Variants in KIAA1671 observed in about 807,000 individuals in gnomAD.
KIAA1671 encodes the protein KIAA1671.
In KIAA1671, 52 loss-of-function variants were observed where a neutral mutation model predicts 131.2. The observed-to-expected ratio is 0.40, with a 90% CI of 0.32 to 0.50. KIAA1671 has a LOEUF of 0.50. Ranked by LOEUF, KIAA1671 falls within the 20% of genes least tolerant of loss-of-function variation. KIAA1671 has a pLI of 0.73. For missense variants in KIAA1671, 2,360 were observed against 2,364.2 expected, an observed-to-expected ratio of 1.00 and a Z score of 0.04; for synonymous variants, 1,003 against 961.6, an observed-to-expected ratio of 1.04 and a Z score of -0.80.
intron 6 of KIAA1671, among the ~76,000 whole-genome samples, chr22:25,131,766 G>A (rs530046840): frequency 6.6e-6 from 1 of 152,354 alleles, no homozygotes; most frequent in East Asian, 1.9e-4. Context: ...AGCATCTCAG[G>A]TTGGGAGCAG....
At chr22:25,180,913 A>T (rs1934246762) in intron 9 of KIAA1671, among the ~76,000 whole-genome samples, 1 of 152,092 alleles carries the variant, frequency 6.6e-6, no homozygotes, top group South Asian at 2.1e-4. Context: ...GCACACAAAT[A>T]CCCCCAGCTG....
At chr22:25,021,319 A>G (rs1925653131) in intron 1 of KIAA1671, among the ~76,000 whole-genome samples, 1 of 151,880 alleles carries the variant, frequency 6.6e-6, no homozygotes, top group South Asian at 2.1e-4. Flanking sequence ...TCCGCCTCCC[A>G]AAGTGCTGGG....
intron 6 of KIAA1671, among the ~76,000 whole-genome samples, chr22:25,092,017 A>G (rs987870085): frequency 6.6e-6 from 1 of 152,070 alleles, no homozygotes; most frequent in Non-Finnish European, 1.5e-5. Flanking sequence ...TATCCACTCA[A>G]CAAATACGTA....
intron 6 of KIAA1671, among the ~76,000 whole-genome samples, chr22:25,146,953 G>A (rs889973652): frequency 6.6e-6 from 1 of 152,016 alleles, no homozygotes; most frequent in African/African-American, 2.4e-5. Context: ...CATCCTGCAG[G>A]GTTGGAGCAA....
chr22:25,041,286 G>T lies in KIAA1671; in HGVS notation c.4156G>T (p.Asp1386Tyr). The T allele has an allele frequency of 6.4e-7, 1 of 1,551,768 alleles. No individual in the cohort carries two copies. Among genetic ancestry groups the T allele is most frequent in the Admixed American group, 2.0e-5 (1 of 51,016 alleles). ...PRKSTGRGEE[D>Y]SVAQWGDHPR... ...GAAATCCACCGGGCGGGGAGAGGAGGACAGTGTGGCCCAGTGGGGTGACCA... is the reference window on the plus strand; with the variant it reads ...GAAATCCACCGGGCGGGGAGAGGAGTACAGTGTGGCCCAGTGGGGTGACCA... The change falls in exon 5 of 13, where the codon GAC becomes TAC. Residue 1386 changes from aspartate to tyrosine, a missense_variant. This residue lies in a region of KIAA1671 where 1,161 missense variants were observed against 1,204.7 expected (regional missense o/e 0.96). Transcript: ENST00000358431.
At chr22:25,099,463 G>A (rs545086062) in intron 6 of KIAA1671, among the ~76,000 whole-genome samples, 3 of 151,146 alleles carry the variant, frequency 2.0e-5, no homozygotes, top group South Asian at 4.2e-4. Context: ...TATCGGAGCA[G>A]CCTTTGGATG....
At chr22:25,034,769 G>A (rs949620205) in intron 4 of KIAA1671, among the ~76,000 whole-genome samples, 5 of 151,214 alleles carry the variant, frequency 3.3e-5, no homozygotes, top group African/African-American at 9.7e-5. Context: ...ATGGAGTCTC[G>A]CTCTGTTGCC....
intron 6 of KIAA1671, among the ~76,000 whole-genome samples, chr22:25,083,098 C>T (rs5752053): frequency 0.37 from 56,507 of 151,998 alleles, 10,795 homozygotes; most frequent in Middle Eastern, 0.45. Context: ...CCAGAGACTT[C>T]TGAATGGCTT....
intron 1 of KIAA1671, among the ~76,000 whole-genome samples, chr22:25,022,187 C>T (rs1343336794): frequency 2.0e-5 from 3 of 152,208 alleles, no homozygotes; most frequent in Non-Finnish European, 4.4e-5. Flanking sequence ...CGCCCCTCAC[C>T]AGATGGTGGC....
chr22:25,015,200 T>C (rs1925239092), intron 1 of KIAA1671: 1 of 141,476 alleles, frequency 7.1e-6, no homozygotes, highest in Non-Finnish European at 1.5e-5. Flanking sequence ...AGATCATGCC[T>C]GGGACACACA....
intron 1 of KIAA1671, among the ~76,000 whole-genome samples, chr22:24,962,609 G>C (rs1463286076): frequency 6.6e-6 from 1 of 152,166 alleles, no homozygotes; most frequent in Non-Finnish European, 1.5e-5. Context: ...GGCCTCATGA[G>C]GTTGACAAGC....
At chr22:24,976,152 C>T (rs141218711) in intron 1 of KIAA1671, among the ~76,000 whole-genome samples, 138 of 152,346 alleles carry the variant, frequency 9.1e-4, no homozygotes, top group African/African-American at 3.1e-3. Context: ...GCTGGGAACA[C>T]TGAGCCGGGC....
At chr22:25,093,836 C>CTCTCTCTCTCTCTG (rs1568951598) in intron 6 of KIAA1671, among the ~76,000 whole-genome samples, 5 of 64,618 alleles carry the variant, frequency 7.7e-5, no homozygotes, top group Non-Finnish European at 1.5e-4. Context: ...CTCTCTCTGT[C>CTCTCTCTCTCTCTG]TGTCTCTCTC....
chr22:25,004,878 G>A (rs1016468695), intron 1 of KIAA1671, among the ~76,000 whole-genome samples: 9 of 151,792 alleles, frequency 5.9e-5, no homozygotes, highest in South Asian at 2.1e-4. Flanking sequence ...CCCAGGAGGC[G>A]GAGCTTGCAG....
At chr22:25,100,399 G>A (rs1930602104) in intron 6 of KIAA1671, among the ~76,000 whole-genome samples, 1 of 152,212 alleles carries the variant, frequency 6.6e-6, no homozygotes, top group African/African-American at 2.4e-5. Flanking sequence ...AAATGGAGTG[G>A]AAGGGAGGAG....
rs1358676712 is a variant in KIAA1671, at chr22:25,041,335, C to T, written c.4205C>T (p.Pro1402Leu). 129 of 1,551,514 alleles carry T rather than the reference C, an allele frequency of 8.3e-5. No homozygotes were observed. In the Admixed American group the frequency reaches 2.0e-3, roughly 24 times the overall value. The change falls in exon 5 of 13, where the codon CCG becomes CTG. Residue 1402 changes from proline (P) to leucine (L), a missense_variant. Coordinates refer to ENST00000358431, the MANE Select transcript of KIAA1671 (RefSeq NM_001145206.2). ...CACCCACGTGACTGTGGACGGGTGCCGCTGGATATCAAGAGGGCCTACTCA... is the reference window on the plus strand; with the variant it reads ...CACCCACGTGACTGTGGACGGGTGCTGCTGGATATCAAGAGGGCCTACTCA... ...GDHPRDCGRV[P>L]LDIKRAYSEK...
chr22:25,050,647 A>T (rs1193689176), intron 6 of KIAA1671: 1 of 152,294 alleles, frequency 6.6e-6, no homozygotes, highest in Non-Finnish European at 1.5e-5. Flanking sequence ...GCTAGGAGTG[A>T]TGCAGAACAG....
chr22:25,038,092 C>T (rs963095410), intron 4 of KIAA1671, among the ~76,000 whole-genome samples: 2 of 152,192 alleles, frequency 1.3e-5, no homozygotes, highest in Non-Finnish European at 2.9e-5. Flanking sequence ...TTGCTTTGGC[C>T]TCCCAAAGTG....
intron 12 of KIAA1671, 139 bp downstream of exon 12, chr22:25,190,923 G>T (rs943410314): frequency 1.6e-6 from 1 of 633,226 alleles, no homozygotes; most frequent in Admixed American, 2.6e-5. Flanking sequence ...TGAGGGGTGG[G>T]GGGTGTTCTG....
Sources: gnomAD v4.1 joint callset for allele counts (sites outside exome capture counted in the v4.1 genomes callset) on GRCh38, gnomAD v4.1.1 for gene constraint, gnomAD v4.1.1 regional missense constraint, MANE v1.5 for transcripts, NCBI Gene and HGNC (gene_info 2026-07-23, HGNC 2026-07-21) for gene names.